COX7A2L: variants seen among roughly 807,000 people sequenced by gnomAD.
COX7A2L encodes the protein cytochrome c oxidase subunit 7A2-like, mitochondrial.
COX7A2L carries 18 observed loss-of-function variants against 14.2 expected under a neutral mutation model. The observed-to-expected ratio is 1.27, with a 90% CI of 0.88 to 1.88. COX7A2L has a LOEUF of 1.88. COX7A2L is among the 40% of genes most tolerant of loss of function. The probability of loss-of-function intolerance (pLI) is 0.00; values close to 1 mark genes in which losing one functional copy is unlikely to be tolerated. For missense variants in COX7A2L, 179 were observed against 138.8 expected, an observed-to-expected ratio of 1.29 and a Z score of -1.46; for synonymous variants, 65 against 57.4, an observed-to-expected ratio of 1.13 and a Z score of -0.60.
intron 2 of COX7A2L, among the ~76,000 whole-genome samples, chr2:42,335,781 T>G (rs1011200581): frequency 1.3e-5 from 2 of 152,160 alleles, no homozygotes; most frequent in African/African-American, 2.4e-5. Context: ...AAGAATGAAA[T>G]CGGTTAAACT....
At chr2:42,368,700 C>CA (rs1401780046) in intron 1 of COX7A2L, among the ~76,000 whole-genome samples, 2 of 152,176 alleles carry the variant, frequency 1.3e-5, no homozygotes, top group African/African-American at 4.8e-5. Flanking sequence ...GCCTAGGACA[C>CA]AGTAAGCACT....
chr2:42,351,324 G>A lies in COX7A2L; in HGVS notation c.240C>T (p.Gly80=). Reference sequence around the variant, plus strand: ...TCCGGTAAAGCATTTGGTCAGGCAGGCCTCGTTTCAGGTAGACGGGCACAC... The same window carrying A: ...TCCGGTAAAGCATTTGGTCAGGCAGACCTCGTTTCAGGTAGACGGGCACAC... ...ADGVPVYLKR[G]LPDQMLYRTT... The change falls in exon 3 of 3, where the codon GGC becomes GGT. Residue 80 remains glycine, a synonymous_variant. Coordinates refer to ENST00000234301, the MANE Select transcript of COX7A2L (RefSeq NM_004718.4). 2 of 1,614,110 alleles carry A rather than the reference G, an allele frequency of 1.2e-6. No homozygotes were observed. Among genetic ancestry groups the A allele is most frequent in the African/African-American group, 2.7e-5 (2 of 75,014 alleles).
chr2:42,351,738 C>T (rs1670653278), intron 2 of COX7A2L, among the ~76,000 whole-genome samples: 2 of 152,176 alleles, frequency 1.3e-5, no homozygotes, highest in South Asian at 4.1e-4. Flanking sequence ...CTTTGGGAGG[C>T]CGAGACAGGC....
downstream of COX7A2L, among the ~76,000 whole-genome samples, chr2:42,347,168 T>G (rs1382859489): frequency 6.6e-6 from 1 of 152,176 alleles, no homozygotes. Context: ...CCCGGCCTAG[T>G]AAGGCAATTT....
At chr2:42,340,907 G>T (rs1007475917) in intron 2 of COX7A2L, among the ~76,000 whole-genome samples, 7 of 152,174 alleles carry the variant, frequency 4.6e-5, no homozygotes, top group African/African-American at 1.4e-4. Context: ...AGCTACTGAT[G>T]GCAAAGGTGG....
Position 42,340,297 on chromosome 2 carries a change from G to A in COX7A2L, c.193-6428C>T, listed in dbSNP as rs533547076. Among the ~76,000 whole-genome samples the A allele has an allele frequency of 5.3e-5, 8 of 152,136 alleles. No individual in the cohort carries two copies. The South Asian group carries it at 8.3e-4, about 16-fold the overall frequency. On this transcript the variant is annotated intron_variant, in intron 2 of 2. Coordinates refer to the COX7A2L transcript ENST00000468711. ...ACTGAGTTCACTCTGCCTTCCTCGC[G>A]CCCCTGGGATCCATTCTTTTCTCTC...
intron 1 of COX7A2L, 104 bp downstream of exon 1, chr2:42,360,986 C>T: frequency 8.0e-7 from 1 of 1,244,028 alleles, no homozygotes; most frequent in Non-Finnish European, 1.2e-6. Flanking sequence ...GAGACGAACT[C>T]GACCGCGGGC....
chr2:42,344,904 T>C (rs1222911282), downstream of COX7A2L, among the ~76,000 whole-genome samples: 1 of 151,936 alleles, frequency 6.6e-6, no homozygotes, highest in Non-Finnish European at 1.5e-5. Flanking sequence ...CCGGTTTCCA[T>C]GGATAAATCT....
chr2:42,362,579 C>T (rs543821948), upstream of COX7A2L, among the ~76,000 whole-genome samples: 39 of 152,268 alleles, frequency 2.6e-4, no homozygotes, highest in African/African-American at 9.4e-4. Flanking sequence ...CTGTTAAGCA[C>T]TATGTTACAA....
intron 1 of COX7A2L, among the ~76,000 whole-genome samples, chr2:42,355,945 C>T (rs1394405438): frequency 2.0e-5 from 3 of 152,144 alleles, no homozygotes; most frequent in Non-Finnish European, 2.9e-5. Flanking sequence ...AGGCTGGTCT[C>T]GAACTCCTGA....
chr2:42,355,128 C>T (rs898178690), intron 1 of COX7A2L, among the ~76,000 whole-genome samples: 1 of 152,158 alleles, frequency 6.6e-6, no homozygotes, highest in African/African-American at 2.4e-5. Flanking sequence ...AACAACAGCC[C>T]ATTTAAAGAG....
intron 1 of COX7A2L, among the ~76,000 whole-genome samples, chr2:42,356,930 A>T (rs1670838633): frequency 6.6e-6 from 1 of 152,214 alleles, no homozygotes; most frequent in Non-Finnish European, 1.5e-5. Flanking sequence ...TCAAAATAAA[A>T]TTAAAAATAA....
At chr2:42,366,022 A>C (rs1445969211), upstream of COX7A2L, 1 of 152,240 alleles carries the variant, frequency 6.6e-6, no homozygotes. Flanking sequence ...CAAGTGGAAA[A>C]GATTAAGAAC....
intron 1 of COX7A2L, 64 bp from the exon 2 acceptor site, chr2:42,353,407 G>A: frequency 6.3e-7 from 1 of 1,583,792 alleles, no homozygotes; most frequent in Non-Finnish European, 8.6e-7. Context: ...CTGGAATAGT[G>A]GAGGCAGCCA....
rs1469752557 is a variant in COX7A2L at position 42,338,998 on chromosome 2, G to C, written c.193-5129C>G. Among the ~76,000 whole-genome samples, 4 of 152,136 alleles carry C rather than the reference G, an allele frequency of 2.6e-5. No homozygotes were observed. The highest frequency in any genetic ancestry group is 2.9e-5 in the Non-Finnish European group (2 of 68,028). ...GGCTGTCCCCTCTGATCACTGGCTG[G>C]AGCCTGCATCACAGTCACCCGTGTT... On this transcript the variant is annotated intron_variant, in intron 2 of 2. Transcript: ENST00000468711. The surrounding 1 kb of genome is among the most constrained non-coding windows in gnomAD (Gnocchi z 4.4).
chr2:42,336,127 T>C (rs781303688), intron 2 of COX7A2L, among the ~76,000 whole-genome samples: 2 of 152,354 alleles, frequency 1.3e-5, no homozygotes, highest in South Asian at 2.1e-4. Flanking sequence ...CTCTCTGTCA[T>C]TGGCCACGTG....
intron 2 of COX7A2L, among the ~76,000 whole-genome samples, chr2:42,352,449 G>A (rs1670678211): frequency 6.6e-6 from 1 of 152,142 alleles, no homozygotes; most frequent in South Asian, 2.1e-4. Context: ...CACCTGGCCT[G>A]TTTAACTCAT....
rs1433201030 is a variant in COX7A2L, at chr2:42,338,383, G to C, written c.193-4514C>G. On this transcript the variant is annotated intron_variant, in intron 2 of 2. Transcript: ENST00000468711. This position sits in a 1 kb window ranked among gnomAD's most constrained non-coding sequence, Gnocchi z 4.4. The stretch of plus-strand genomic sequence containing the variant: ...AGGAAGAGCAGAATTTCACTCTCTA[G>C]CAGAGCCCTCCCAAGACTGCCGCAG... Among the ~76,000 whole-genome samples the C allele has an allele frequency of 6.6e-6, 1 of 152,110 alleles. No individual in the cohort carries two copies. The highest frequency in any genetic ancestry group is 1.5e-5 in the Non-Finnish European group (1 of 68,028).
downstream of COX7A2L, among the ~76,000 whole-genome samples, chr2:42,347,307 CT>C (rs10718452): frequency 0.18 from 23,866 of 134,750 alleles, 2,650 homozygotes; most frequent in African/African-American, 0.32. Flanking sequence ...AAACCAGCAC[CT>C]TTTTTTTTTT....
Sources: gnomAD v4.1 joint callset for allele counts (sites outside exome capture counted in the v4.1 genomes callset) on GRCh38, gnomAD v4.1.1 for gene constraint, Gnocchi (gnomAD v3.1) non-coding constraint, MANE v1.5 for transcripts, NCBI Gene and HGNC (gene_info 2026-07-23, HGNC 2026-07-21) for gene names.